DTL: variants seen among roughly 807,000 people sequenced by gnomAD.
The protein encoded by DTL is denticleless E3 ubiquitin protein ligase adapter, also known as denticleless protein homolog.
Under a neutral mutation model 87.0 loss-of-function variants are expected in DTL, and 46 were observed. The ratio of observed to expected loss-of-function variants is 0.53; its 90% CI spans 0.42 to 0.68. The LOEUF (loss-of-function observed/expected upper bound fraction) is 0.68. Among genes scored for constraint, DTL ranks in the 30% least tolerant of loss-of-function variants. The pLI is 0.00. For missense variants in DTL, 737 were observed against 869.4 expected, an observed-to-expected ratio of 0.85 and a Z score of 1.91; for synonymous variants, 308 against 311.2, an observed-to-expected ratio of 0.99 and a Z score of 0.11.
chr1:212,085,897 G>A (rs1011803116), intron 13 of DTL, among the ~76,000 whole-genome samples: 3 of 152,134 alleles, frequency 2.0e-5, no homozygotes, highest in East Asian at 1.9e-4. Flanking sequence ...CCATTGAATC[G>A]TCATGGCACC....
intron 13 of DTL, among the ~76,000 whole-genome samples, chr1:212,081,694 C>T (rs1391259603): frequency 6.6e-6 from 1 of 152,086 alleles, no homozygotes; most frequent in Non-Finnish European, 1.5e-5. Context: ...AAGACAGAGC[C>T]AACAGAATAT....
intron 1 of DTL, among the ~76,000 whole-genome samples, chr1:212,040,668 A>G (rs1667612927): frequency 6.6e-6 from 1 of 152,176 alleles, no homozygotes; most frequent in Admixed American, 6.5e-5. Flanking sequence ...ACTTCCAACT[A>G]TGTGACAGAC....
At chr1:212,036,076 G>A (rs1365352225) in intron 1 of DTL, 134 bp downstream of exon 1, 3 of 787,942 alleles carry the variant, frequency 3.8e-6, no homozygotes, top group East Asian at 2.7e-5. Context: ...GTAAATTAGT[G>A]TTAGCAGGGA....
chr1:212,068,031 T>C (rs1484609261), intron 8 of DTL, among the ~76,000 whole-genome samples, 193 bp from the exon 9 acceptor site: 1 of 152,238 alleles, frequency 6.6e-6, no homozygotes, highest in African/African-American at 2.4e-5. Flanking sequence ...GTTTCCGTTC[T>C]GTCAGAATTA....
chr1:212,035,994 G>A (rs747143700), intron 1 of DTL, 52 bp downstream of exon 1: 1 of 1,576,560 alleles, frequency 6.3e-7, no homozygotes, highest in South Asian at 1.1e-5. Context: ...CATTTCCCCC[G>A]AAACACACGC....
chr1:212,036,343 A>G (rs943860086), intron 1 of DTL, among the ~76,000 whole-genome samples: 10 of 152,308 alleles, frequency 6.6e-5, no homozygotes, highest in Admixed American at 5.2e-4. Context: ...GAGCCCAGCT[A>G]TGTGCTATAG....
chr1:212,068,083 T>C (rs1654561246), intron 8 of DTL, 141 bp from the exon 9 acceptor site: 1 of 570,836 alleles, frequency 1.8e-6, no homozygotes, highest in Admixed American at 3.6e-5. Context: ...TACTTTAATT[T>C]GTTTCCCAAT....
At chr1:212,101,249 A>G (rs750296769) in intron 14 of DTL, among the ~76,000 whole-genome samples, 165 bp downstream of exon 14, 3 of 151,912 alleles carry the variant, frequency 2.0e-5, no homozygotes, top group African/African-American at 2.4e-5. Flanking sequence ...TGCATGGGCC[A>G]TATTTTTAGT....
At chr1:212,088,974 T>C (rs1655207876) in intron 13 of DTL, among the ~76,000 whole-genome samples, 1 of 152,066 alleles carries the variant, frequency 6.6e-6, no homozygotes. Context: ...TAATCCCAGC[T>C]ACTCGGGAGG....
chr1:212,068,428 G>A, intron 9 of DTL, 101 bp downstream of exon 9: 2 of 906,860 alleles, frequency 2.2e-6, no homozygotes, highest in East Asian at 2.6e-5. Context: ...ATTCTAATAT[G>A]TGAAGTTCAA....
intron 13 of DTL, among the ~76,000 whole-genome samples, chr1:212,086,904 C>G (rs1291894024): frequency 6.6e-6 from 1 of 152,134 alleles, no homozygotes; most frequent in Non-Finnish European, 1.5e-5. Context: ...TATACCATTT[C>G]TTAAAATTTG....
At chr1:212,091,713 C>T (rs1655287504) in intron 13 of DTL, among the ~76,000 whole-genome samples, 1 of 152,162 alleles carries the variant, frequency 6.6e-6, no homozygotes, top group Admixed American at 6.5e-5. Flanking sequence ...TGCATGATCT[C>T]ACTTGTGGAA....
chr1:212,049,763 T>G (rs913832959), intron 5 of DTL, among the ~76,000 whole-genome samples: 1 of 152,254 alleles, frequency 6.6e-6, no homozygotes, highest in Non-Finnish European at 1.5e-5. Context: ...TCTGGCCTCC[T>G]GGGCAAAGTG....
intron 5 of DTL, among the ~76,000 whole-genome samples, chr1:212,052,376 C>G (rs1668009703): frequency 6.6e-6 from 1 of 152,050 alleles, no homozygotes. Flanking sequence ...GTGGCTCAGG[C>G]CTGTAATCCA....
At chr1:212,095,347 T>G (rs753566995) in intron 13 of DTL, among the ~76,000 whole-genome samples, 19 of 152,280 alleles carry the variant, frequency 1.2e-4, no homozygotes, top group Admixed American at 3.9e-4. Flanking sequence ...TCTATTGAAG[T>G]GATCATGTGT....
At chr1:212,037,585 T>C (rs1490294202) in intron 1 of DTL, among the ~76,000 whole-genome samples, 1 of 152,242 alleles carries the variant, frequency 6.6e-6, no homozygotes, top group African/African-American at 2.4e-5. Flanking sequence ...ATTGTTTCAG[T>C]GGCATATTTT....
intron 1 of DTL, among the ~76,000 whole-genome samples, chr1:212,039,445 A>G (rs923982037): frequency 2.6e-5 from 4 of 152,184 alleles, no homozygotes; most frequent in Admixed American, 2.0e-4. Context: ...GGGGCACGGG[A>G]ATGCCTTTCT....
intron 2 of DTL, 129 bp downstream of exon 2, chr1:212,043,247 A>T (rs1667707391): frequency 1.1e-6 from 1 of 869,646 alleles, no homozygotes; most frequent in African/African-American, 1.7e-5. Context: ...TTTTGTAAAA[A>T]CTGTTATCTT....
At chr1:212,060,750 A>T (rs1369859390) in intron 5 of DTL, among the ~76,000 whole-genome samples, 2 of 151,922 alleles carry the variant, frequency 1.3e-5, no homozygotes, top group African/African-American at 2.4e-5. Context: ...AAAAAAAAAA[A>T]AATCAAGATG....
Sources: gnomAD v4.1 joint callset for allele counts (sites outside exome capture counted in the v4.1 genomes callset) on GRCh38, gnomAD v4.1.1 for gene constraint, MANE v1.5 for transcripts, NCBI Gene and HGNC (gene_info 2026-07-23, HGNC 2026-07-21) for gene names.